Variants in ATL2 observed in about 807,000 individuals in gnomAD.
ATL2 encodes atlastin-2.
A neutral mutation model predicts 73.9 loss-of-function variants in ATL2; 31 were observed. That is an observed-to-expected ratio of 0.42 (90% CI 0.32 to 0.57). The LOEUF (loss-of-function observed/expected upper bound fraction) is 0.57. ATL2 is among the 20% of genes least tolerant of loss of function. The pLI is 0.14. For synonymous variants in ATL2, 291 were observed against 237.5 expected (o/e 1.23, Z -2.07); for missense variants, 738 against 702.6 (o/e 1.05, Z -0.57).
chr2:38,357,105 G>GGGCA (rs2124455270), intron 1 of ATL2, among the ~76,000 whole-genome samples: 5 of 152,110 alleles, frequency 3.3e-5, no homozygotes, highest in African/African-American at 1.2e-4. Flanking sequence ...CGAGGCAGGT[G>GGGCA]GATCATGAGG....
chr2:38,322,855 G>A (rs1371632610), intron 2 of ATL2, among the ~76,000 whole-genome samples: 2 of 152,154 alleles, frequency 1.3e-5, no homozygotes, highest in Non-Finnish European at 2.9e-5. Flanking sequence ...CTCCAGCCTG[G>A]ATGACAGAGT....
chr2:38,374,634 G>C (rs1671862512), intron 1 of ATL2, among the ~76,000 whole-genome samples: 1 of 152,126 alleles, frequency 6.6e-6, no homozygotes, highest in African/African-American at 2.4e-5. Flanking sequence ...TCTTCCAAAT[G>C]ACCATCAACA....
At chr2:38,351,243 GTATC>G (rs1256048166) in intron 1 of ATL2, among the ~76,000 whole-genome samples, 23 of 152,072 alleles carry the variant, frequency 1.5e-4, no homozygotes, top group African/African-American at 5.3e-4. Context: ...AGTGAAAACA[GTATC>G]TAAGTATTCA....
intron 1 of ATL2, among the ~76,000 whole-genome samples, chr2:38,347,797 C>A (rs907314989): frequency 7.0e-6 from 1 of 142,178 alleles, no homozygotes; most frequent in African/African-American, 2.7e-5. Flanking sequence ...TAAGGCAGAG[C>A]GCTCTGTCAC....
chr2:38,345,282 C>T (rs549600497), intron 1 of ATL2, among the ~76,000 whole-genome samples: 2 of 152,148 alleles, frequency 1.3e-5, no homozygotes, highest in Non-Finnish European at 2.9e-5. Context: ...TCCACTAAGG[C>T]GTGGTACATT....
intron 2 of ATL2, among the ~76,000 whole-genome samples, chr2:38,326,137 C>T (rs1381841831): frequency 6.6e-6 from 1 of 152,172 alleles, no homozygotes; most frequent in African/African-American, 2.4e-5. Context: ...TGCTCTCCTA[C>T]ACTTTACCAC....
chr2:38,344,809 C>T (rs1414959417), intron 1 of ATL2, among the ~76,000 whole-genome samples: 2 of 152,104 alleles, frequency 1.3e-5, no homozygotes, highest in Non-Finnish European at 2.9e-5. Flanking sequence ...CAGTGAGATG[C>T]ATTTATATCT....
intron 2 of ATL2, among the ~76,000 whole-genome samples, chr2:38,322,862 G>C (rs965010173): frequency 2.0e-5 from 3 of 152,146 alleles, no homozygotes; most frequent in Admixed American, 6.5e-5. Context: ...CTGGATGACA[G>C]AGTGAGAGAC....
intron 2 of ATL2, among the ~76,000 whole-genome samples, chr2:38,320,987 C>CA (rs34929294): frequency 0.11 from 10,674 of 94,440 alleles, 552 homozygotes; most frequent in African/African-American, 0.2. Context: ...ACCAAAATGA[C>CA]AAAAAAAAAA....
intron 2 of ATL2, among the ~76,000 whole-genome samples, chr2:38,327,871 G>A (rs1015975157): frequency 2.0e-5 from 3 of 152,308 alleles, no homozygotes; most frequent in South Asian, 4.1e-4. Context: ...GAGAGGCGGA[G>A]GTTGCAGTGA....
chr2:38,296,763 T>A, intron 12 of ATL2: 1 of 1,549,620 alleles, frequency 6.5e-7, no homozygotes, highest in East Asian at 2.4e-5. Context: ...ACAGCACAGA[T>A]CTCTGACTAG....
Position 38,295,001 on chromosome 2 carries a change from G to C in ATL2, c.*993C>G, listed in dbSNP as rs1359218070. The stretch of plus-strand genomic sequence containing the variant: ...CATTCCCATTGAATTCCCTTGGTGG[G>C]CGGGGGGGGGGTGAGATTGCAGTGC... On this transcript the variant is annotated 3_prime_UTR_variant, in exon 13 of 13. Coordinates refer to ENST00000378954, the MANE Select transcript of ATL2 (RefSeq NM_001135673.4). The C allele has an allele frequency of 8.9e-6, 1 of 112,042 alleles. No individual in the cohort carries two copies. The highest frequency in any genetic ancestry group is 1.7e-5 in the Non-Finnish European group (1 of 58,878). 6.9% of individuals were successfully genotyped at this position (112,042 alleles called of 1,614,324 possible).
Position 38,321,438 on chromosome 2 carries a change from G to A in ATL2, c.364-2419C>T, listed in dbSNP as rs561892481. 5.3e-5 allele frequency among the ~76,000 whole-genome samples: 8 copies of A among 152,242 alleles called. No individual in the cohort carries two copies. In the South Asian group the frequency reaches 1.7e-3, roughly 32 times the overall value. On this transcript the variant is annotated intron_variant, in intron 2 of 12. Coordinates refer to ENST00000378954, the MANE Select transcript of ATL2 (RefSeq NM_001135673.4). ...TTCACAGTATATATGATGGACTTGT[G>A]TTTCAGGAGGCACCCTTCACAGGAA...
rs1049941091 is a variant in ATL2 at position 38,309,273 on chromosome 2, CTCT to C, written c.1071+103_1071+105del. The stretch of plus-strand genomic sequence containing the variant: ...GCAGAAAGATAAATCACAAATCTTA[CTCT>C]TTTTTGTTTTAAAATAAAGACAAGA... On this transcript the variant is annotated intron_variant, in intron 9 of 12. Coordinates refer to ENST00000378954, the MANE Select transcript of ATL2 (RefSeq NM_001135673.4). The C allele has an allele frequency of 1.2e-5, 13 of 1,087,754 alleles. No individual in the cohort carries two copies. In the African/African-American group the frequency reaches 1.9e-4, roughly 16 times the overall value. 67.4% of individuals were successfully genotyped at this position (1,087,754 alleles called of 1,614,324 possible).
chr2:38,350,814 G>A (rs1031129865), intron 1 of ATL2, among the ~76,000 whole-genome samples: 12 of 151,120 alleles, frequency 7.9e-5, no homozygotes, highest in African/African-American at 2.9e-4. Flanking sequence ...TCTTTTTGTT[G>A]TCTAATCACA....
intron 2 of ATL2, among the ~76,000 whole-genome samples, chr2:38,334,676 C>A (rs1034298219): frequency 2.0e-5 from 3 of 150,838 alleles, no homozygotes; most frequent in African/African-American, 7.3e-5. Context: ...CCAGCCTGGG[C>A]AACATGAACG....
chr2:38,333,163 G>C (rs1416695405), intron 2 of ATL2, among the ~76,000 whole-genome samples: 1 of 152,162 alleles, frequency 6.6e-6, no homozygotes, highest in Non-Finnish European at 1.5e-5. Context: ...AGGAGTTCGA[G>C]ACCAAGCTGG....
chr2:38,300,525 G>C, intron 9 of ATL2, 197 bp from the exon 10 acceptor site: 1 of 423,498 alleles, frequency 2.4e-6, no homozygotes, highest in Admixed American at 3.9e-5. Context: ...TAATATCCTA[G>C]GTATTTCTAT....
chr2:38,324,752 T>G (rs906126908), intron 2 of ATL2, among the ~76,000 whole-genome samples: 9 of 152,248 alleles, frequency 5.9e-5, no homozygotes, highest in Non-Finnish European at 1.0e-4. Context: ...GTCTTTGACC[T>G]TGAAGACACT....
Sources: gnomAD v4.1 joint callset for allele counts (sites outside exome capture counted in the v4.1 genomes callset) on GRCh38, gnomAD v4.1.1 for gene constraint, MANE v1.5 for transcripts, NCBI Gene and HGNC (gene_info 2026-07-23, HGNC 2026-07-21) for gene names.